TNS1: variants seen among roughly 807,000 people sequenced by gnomAD.
TNS1 encodes tensin-1.
In TNS1, 62 loss-of-function variants were observed where a neutral mutation model predicts 168.6. The ratio of observed to expected loss-of-function variants is 0.37; its 90% confidence interval spans 0.30 to 0.45. The LOEUF (loss-of-function observed/expected upper bound fraction) is 0.45. TNS1 is among the 20% of genes least tolerant of loss of function. The pLI is 1.00. For synonymous variants in TNS1, 934 were observed against 933.2 expected, an observed-to-expected ratio of 1.00 and a Z score of -0.02; for missense variants, 2,240 against 2,339.4, an observed-to-expected ratio of 0.96 and a Z score of 0.88.
rs139516729 is a variant in TNS1, at chr2:217,940,963, T to C, written c.187-20727A>G. On this transcript the variant is annotated intron_variant, in intron 3 of 32. Coordinates refer to ENST00000682258, the MANE Select transcript of TNS1 (RefSeq NM_001387777.1). Reference sequence around the variant, plus strand: ...GGAAAGGCCTGTGAGAGGTGACTGCTCCTCCCCCACTCACCCTCCTAAGAG... The same window carrying C: ...GGAAAGGCCTGTGAGAGGTGACTGCCCCTCCCCCACTCACCCTCCTAAGAG... Among the ~76,000 whole-genome samples, 60 of 152,124 alleles carry C rather than the reference T, an allele frequency of 3.9e-4. 2 individuals are homozygous for C. In the East Asian group the frequency reaches 8.1e-3, roughly 21 times the overall value.
chr2:217,881,083 G>T, intron 17 of TNS1, 69 bp from the exon 18 acceptor site: 1 of 1,156,218 alleles, frequency 8.6e-7, no homozygotes, highest in Non-Finnish European at 1.3e-6. Flanking sequence ...ATCAGCAGCT[G>T]GAAAAACAGA....
At chr2:217,923,552 C>T (rs761648743) in intron 3 of TNS1, among the ~76,000 whole-genome samples, 3 of 152,180 alleles carry the variant, frequency 2.0e-5, no homozygotes, top group African/African-American at 7.2e-5. Flanking sequence ...AGTCAGGGTC[C>T]GGGTCTGGAG....
rs569400927 is a variant in TNS1 at position 217,814,558 on chromosome 2, T to C, written c.4729+354A>G. On this transcript the variant is annotated intron_variant, in intron 25 of 32. Coordinates refer to ENST00000682258, the MANE Select transcript of TNS1 (RefSeq NM_001387777.1). The stretch of plus-strand genomic sequence containing the variant: ...ACACCCAGCCTTCCCCTGAGAATCA[T>C]TCCCCTATTCCCAACTTTGTTCTCT... Among the ~76,000 whole-genome samples, 12 of 152,314 alleles carry C rather than the reference T, an allele frequency of 7.9e-5. No homozygotes were observed. In the East Asian group the frequency reaches 2.1e-3, roughly 27 times the overall value.
At chr2:217,981,189 C>A (rs113157353) in intron 2 of TNS1, among the ~76,000 whole-genome samples, 3,837 of 152,290 alleles carry the variant, frequency 0.025, 160 homozygotes, top group African/African-American at 0.087. Flanking sequence ...AGGCCCATCC[C>A]CTGGGCAGAC....
chr2:217,809,244 GATGGATGC>G (rs1939972799), intron 30 of TNS1, among the ~76,000 whole-genome samples: 2 of 42,914 alleles, frequency 4.7e-5, no homozygotes, highest in Admixed American at 2.4e-4. Context: ...TGGATGGATG[GATGGATGC>G]ATGGATGGAT....
intron 22 of TNS1, among the ~76,000 whole-genome samples, chr2:217,827,397 G>A (rs182238505): frequency 1.3e-5 from 2 of 152,250 alleles, no homozygotes; most frequent in East Asian, 1.9e-4. Flanking sequence ...AGGAAATCAA[G>A]CAGAGCCTCA....
intron 1 of TNS1, among the ~76,000 whole-genome samples, chr2:218,019,602 C>T (rs991192147): frequency 2.6e-5 from 4 of 152,324 alleles, no homozygotes; most frequent in African/African-American, 7.2e-5. Flanking sequence ...TTTGCCCTGC[C>T]CACCCTAAAC....
chr2:217,915,358 C>T (rs1954888748), intron 4 of TNS1, among the ~76,000 whole-genome samples: 1 of 152,162 alleles, frequency 6.6e-6, no homozygotes, highest in Non-Finnish European at 1.5e-5. Context: ...TCTTTATCTG[C>T]AAAAGAACAG....
At chr2:217,900,602 T>A in intron 6 of TNS1, 90 bp from the exon 7 acceptor site, 1 of 1,329,016 alleles carries the variant, frequency 7.5e-7, no homozygotes, top group East Asian at 2.5e-5. Flanking sequence ...GGGGCAAACA[T>A]GATCCTCTTC....
chr2:217,927,082 G>A (rs555591503), intron 3 of TNS1, among the ~76,000 whole-genome samples: 13 of 152,342 alleles, frequency 8.5e-5, no homozygotes, highest in African/African-American at 1.2e-4. Context: ...TGAAAGCCCC[G>A]AGAGCAGGCA....
intron 1 of TNS1, among the ~76,000 whole-genome samples, chr2:218,031,333 CTGTG>C (rs772040024): frequency 7.5e-6 from 1 of 134,172 alleles, no homozygotes; most frequent in Non-Finnish European, 1.6e-5. Context: ...GTGAGCATGT[CTGTG>C]TGTGAGTGTA....
chr2:217,978,794 A>C lies in TNS1; in HGVS notation c.157T>G (p.Phe53Val). The stretch of plus-strand genomic sequence containing the variant: ...GCCTGGCATTTCCGATGACAGGAGA[A>C]GCTGCAGACTGCAAGAGGGCGAGAC... ...QEGCTCKVCS[F>V]SCHRKCQAKV... The change falls in exon 3 of 33, where the codon TTC becomes GTC. Residue 53 changes from phenylalanine to valine, a missense_variant. Phe to Val is a conservative substitution (Grantham distance 50, BLOSUM62 -1). Around this residue, in one of 2 missense-constraint regions of TNS1, gnomAD observed 2,131 missense variants for 2,171.2 expected, o/e 0.98. Coordinates refer to ENST00000682258, the MANE Select transcript of TNS1 (RefSeq NM_001387777.1). 1 of 702,198 alleles carries C rather than the reference A, an allele frequency of 1.4e-6. No individual in the cohort carries two copies. Among genetic ancestry groups the C allele is most frequent in the East Asian group, 2.7e-5 (1 of 37,210 alleles). The allele number at this position is 702,198 out of a possible 1,614,324, so 43.5% of individuals were successfully genotyped here. A position where few individuals can be genotyped will look rare whatever the true frequency, so the allele number is the denominator to read the frequency against.
intron 3 of TNS1, among the ~76,000 whole-genome samples, chr2:217,962,529 A>T (rs1003510373): frequency 2.6e-5 from 4 of 151,440 alleles, no homozygotes; most frequent in Non-Finnish European, 5.9e-5. Flanking sequence ...TGGATTCAAG[A>T]AAAAAAAATG....
Position 217,929,563 on chromosome 2 carries a change from C to T in TNS1, c.187-9327G>A, listed in dbSNP as rs370569804. Among the ~76,000 whole-genome samples, 3 of 152,240 alleles carry T rather than the reference C, an allele frequency of 2.0e-5. No individual in the cohort carries two copies. In the East Asian group the frequency reaches 5.8e-4, roughly 29 times the overall value. ...GCAGGGGTCAGAGGGCACGGAGGGG[C>T]CCAGGGCATGACCCGTCAGCATCCT... On this transcript the variant is annotated intron_variant, in intron 3 of 32. Transcript: ENST00000682258.
Position 217,895,041 on chromosome 2 carries a change from C to T in TNS1, c.559G>A (p.Glu187Lys), listed in dbSNP as rs1437846426. 6.2e-7 allele frequency: 1 copy of T among 1,612,286 alleles called. No individual in the cohort carries two copies. The highest frequency in any genetic ancestry group is 8.5e-7 in the Non-Finnish European group (1 of 1,179,310). ...GGNYLLFNLS[E>K]RRPDITKLHA... Reference sequence around the variant, plus strand: ...AGCTTCGTGATGTCAGGTCTCCGCTCAGAGAGGTTGAACAGCTAGAAGGAG... The same window carrying T: ...AGCTTCGTGATGTCAGGTCTCCGCTTAGAGAGGTTGAACAGCTAGAAGGAG... Residue 187 changes from glutamate to lysine, a missense_variant, in exon 9 of 33, where the codon GAG (glutamate) becomes AAG (lysine). Transcript: ENST00000682258.
At chr2:217,920,168 G>A (rs761848697) in intron 4 of TNS1, 27 bp downstream of exon 4, 1 of 703,034 alleles carries the variant, frequency 1.4e-6, no homozygotes, top group South Asian at 1.5e-5. Flanking sequence ...GGCAGGGCTT[G>A]CAGGGCAAGG....
At chr2:217,853,539 A>G (rs2125478867) in intron 18 of TNS1, among the ~76,000 whole-genome samples, 1 of 152,206 alleles carries the variant, frequency 6.6e-6, no homozygotes, top group Non-Finnish European at 1.5e-5. Context: ...TCCAGGCCCC[A>G]AGCCCAGCCA....
chr2:217,961,280 G>GAGAGAA (rs60120059), intron 3 of TNS1, among the ~76,000 whole-genome samples: 1 of 151,452 alleles, frequency 6.6e-6, no homozygotes, highest in African/African-American at 2.4e-5. Flanking sequence ...GAGAGAGAGA[G>GAGAGAA]GCTGAAGCTG....
At chr2:217,874,477 G>A (rs1458387745) in intron 18 of TNS1, among the ~76,000 whole-genome samples, 1 of 152,170 alleles carries the variant, frequency 6.6e-6, no homozygotes, top group Non-Finnish European at 1.5e-5. Flanking sequence ...TCCTCAATTT[G>A]CTGATAATGA....
Sources: gnomAD v4.1 joint callset for allele counts (sites outside exome capture counted in the v4.1 genomes callset) on GRCh38, gnomAD v4.1.1 for gene constraint, gnomAD v4.1.1 regional missense constraint, MANE v1.5 for transcripts, NCBI Gene and HGNC (gene_info 2026-07-23, HGNC 2026-07-21) for gene names.